Variants in DNAJC6 observed in about 807,000 individuals in gnomAD.
DNAJC6 encodes the protein auxilin.
In DNAJC6, 34 loss-of-function variants were observed where a neutral mutation model predicts 110.0. That is an observed-to-expected ratio of 0.31 (90% CI 0.24 to 0.41). The LOEUF is 0.41. Ranked by LOEUF, DNAJC6 falls within the 10% of genes least tolerant of loss-of-function variation. The pLI, the probability that DNAJC6 is intolerant of heterozygous loss-of-function variation, is 1.00. For synonymous variants in DNAJC6, 406 were observed against 437.2 expected, an observed-to-expected ratio of 0.93 and a Z score of 0.89; for missense variants, 1,031 against 1,207.8, an observed-to-expected ratio of 0.85 and a Z score of 2.17.
intron 1 of DNAJC6, among the ~76,000 whole-genome samples, chr1:65,310,941 A>T (rs1645093498): frequency 6.6e-6 from 1 of 152,210 alleles, no homozygotes; most frequent in Non-Finnish European, 1.5e-5. Flanking sequence ...TTTGAACAGT[A>T]ATGAAATCAA....
chr1:65,406,259 T>A, intron 16 of DNAJC6, 126 bp downstream of exon 16: 1 of 1,333,540 alleles, frequency 7.5e-7, no homozygotes, highest in South Asian at 1.4e-5. Context: ...TCTGAGGGAA[T>A]CTTATAGTTG....
At chr1:65,322,117 T>C (rs1215469833) in intron 1 of DNAJC6, among the ~76,000 whole-genome samples, 1 of 152,176 alleles carries the variant, frequency 6.6e-6, no homozygotes, top group Non-Finnish European at 1.5e-5. Context: ...CTGTCTCGTT[T>C]TGTGAGCATT....
intron 1 of DNAJC6, among the ~76,000 whole-genome samples, chr1:65,355,264 C>CAA (rs58338708): frequency 3.0e-4 from 25 of 84,146 alleles, no homozygotes; most frequent in Non-Finnish European, 4.1e-4. Flanking sequence ...CACCCTGTCT[C>CAA]AAAAAAAAAA....
chr1:65,343,077 C>A (rs1486665570), intron 1 of DNAJC6, among the ~76,000 whole-genome samples: 3 of 152,138 alleles, frequency 2.0e-5, no homozygotes, highest in African/African-American at 7.2e-5. Flanking sequence ...CATCATTCAC[C>A]TTTGCGGTCT....
intron 1 of DNAJC6, among the ~76,000 whole-genome samples, chr1:65,351,837 C>T (rs1273547982): frequency 6.6e-6 from 1 of 152,132 alleles, no homozygotes; most frequent in African/African-American, 2.4e-5. Flanking sequence ...GCGATCTCGG[C>T]TCAATGCAAC....
chr1:65,340,348 A>G (rs1405401910), intron 1 of DNAJC6, among the ~76,000 whole-genome samples: 4 of 152,204 alleles, frequency 2.6e-5, no homozygotes, highest in African/African-American at 9.6e-5. Flanking sequence ...CTGGAGGAAG[A>G]GCTGGCCTCC....
chr1:65,342,234 C>T (rs1334513006), intron 1 of DNAJC6, among the ~76,000 whole-genome samples: 2 of 152,046 alleles, frequency 1.3e-5, no homozygotes, highest in Non-Finnish European at 1.5e-5. Flanking sequence ...TGTGTTGGGT[C>T]CTGCTGTGGG....
chr1:65,352,577 C>A (rs1645501943), intron 1 of DNAJC6, among the ~76,000 whole-genome samples: 1 of 152,238 alleles, frequency 6.6e-6, no homozygotes, highest in Non-Finnish European at 1.5e-5. Flanking sequence ...TGGTGCCTAA[C>A]ATATAGTAAG....
chr1:65,337,030 A>C (rs1019503285), intron 1 of DNAJC6, among the ~76,000 whole-genome samples: 3 of 151,720 alleles, frequency 2.0e-5, no homozygotes, highest in Non-Finnish European at 4.4e-5. Context: ...GGGAAAAAAA[A>C]CCAGGCCATT....
At chr1:65,360,138 G>A (rs1645584194) in intron 1 of DNAJC6, among the ~76,000 whole-genome samples, 1 of 152,148 alleles carries the variant, frequency 6.6e-6, no homozygotes, top group African/African-American at 2.4e-5. Context: ...ACTAGCTGAG[G>A]CTAAAATATT....
chr1:65,363,761 A>G (rs1645619913), intron 1 of DNAJC6, among the ~76,000 whole-genome samples: 1 of 152,180 alleles, frequency 6.6e-6, no homozygotes, highest in African/African-American at 2.4e-5. Context: ...ATAAAGAAGT[A>G]TTTAGCCTAA....
intron 8 of DNAJC6, among the ~76,000 whole-genome samples, chr1:65,387,183 C>T (rs1348407995): frequency 1.3e-5 from 2 of 152,186 alleles, no homozygotes; most frequent in Non-Finnish European, 2.9e-5. Context: ...TCTTAGCAAA[C>T]CATACTCTTT....
In DNAJC6 at chr1:65,414,899, C is replaced by T. The variant is rs1024633234; in HGVS notation, c.*1874C>T. 4 of 152,504 alleles carry T rather than the reference C, an allele frequency of 2.6e-5. No homozygotes were observed. The highest frequency in any genetic ancestry group is 4.8e-5 in the African/African-American group (2 of 41,404). 9.4% of individuals were successfully genotyped at this position (152,504 alleles called of 1,614,324 possible). On this transcript the variant is annotated 3_prime_UTR_variant, in exon 19 of 19. Coordinates refer to ENST00000371069, the MANE Select transcript of DNAJC6 (RefSeq NM_001256864.2). The stretch of plus-strand genomic sequence containing the variant: ...TTAAAAGGATATTCTGTGGATGTCA[C>T]GTATTTTGAAATGATAGAACTACAT...
chr1:65,288,215 A>T (rs75296292), intron 1 of DNAJC6, among the ~76,000 whole-genome samples: 8,817 of 152,194 alleles, frequency 0.058, 295 homozygotes, highest in Non-Finnish European at 0.078. Context: ...TCCTTAGGGG[A>T]TTCCACACTG....
intron 1 of DNAJC6, among the ~76,000 whole-genome samples, chr1:65,269,586 T>G (rs1433938956): frequency 6.6e-6 from 1 of 152,216 alleles, no homozygotes; most frequent in Non-Finnish European, 1.5e-5. Flanking sequence ...CTTGACTACT[T>G]TGATACTTTT....
At chr1:65,411,101 A>G in intron 17 of DNAJC6, 149 bp from the exon 18 acceptor site, 1 of 641,708 alleles carries the variant, frequency 1.6e-6, no homozygotes, top group Non-Finnish European at 2.5e-6. Flanking sequence ...GAGGAGAAGC[A>G]TTCCAGGTAG....
At position 65,354,526 on chromosome 1, in the gene DNAJC6, G is replaced by A. The variant is rs543498253; in HGVS notation, c.194-10109G>A. Among the ~76,000 whole-genome samples the A allele has an allele frequency of 3.8e-4, 58 of 152,282 alleles. No individual in the cohort carries two copies. In the South Asian group the frequency reaches 0.011, roughly 28 times the overall value. ...GAATTTTAAAAGTGGAGGGGACTTA[G>A]GAAATCACTTAATTCATTCTCCTAT... On this transcript the variant is annotated intron_variant, in intron 1 of 18. Transcript: ENST00000371069.
At chr1:65,388,791 G>A (rs1226629714) in intron 9 of DNAJC6, among the ~76,000 whole-genome samples, 3 of 152,170 alleles carry the variant, frequency 2.0e-5, no homozygotes, top group Non-Finnish European at 4.4e-5. Flanking sequence ...TAGAAGCCCC[G>A]CTATAGCACT....
intron 15 of DNAJC6, among the ~76,000 whole-genome samples, chr1:65,405,150 A>C (rs1174166419): frequency 6.6e-6 from 1 of 152,228 alleles, no homozygotes; most frequent in Non-Finnish European, 1.5e-5. Context: ...AGTGCTTAAA[A>C]GTTTGGAGAT....
Sources: gnomAD v4.1 joint callset for allele counts (sites outside exome capture counted in the v4.1 genomes callset) on GRCh38, gnomAD v4.1.1 for gene constraint, MANE v1.5 for transcripts, NCBI Gene and HGNC (gene_info 2026-07-23, HGNC 2026-07-21) for gene names.